RIT2: variants seen among roughly 807,000 people sequenced by gnomAD.
The protein encoded by RIT2 is Ras like without CAAX 2.
RIT2 carries 24 observed loss-of-function variants against 23.7 expected under a neutral mutation model. That is an observed-to-expected ratio of 1.01 (90% CI 0.73 to 1.43). The LOEUF is 1.43. Among genes scored for constraint, RIT2 ranks in the 40% most tolerant of loss-of-function variants. The pLI is 0.00. For synonymous variants in RIT2, 107 were observed against 91.1 expected (o/e 1.17, Z -0.99); for missense variants, 236 against 266.9 (o/e 0.88, Z 0.81).
At chr18:43,045,899 T>G (rs917047151) in intron 1 of RIT2, among the ~76,000 whole-genome samples, 4 of 152,198 alleles carry the variant, frequency 2.6e-5, no homozygotes. Flanking sequence ...CACTCTTTCA[T>G]GGCCTTATCT....
intron 3 of RIT2, among the ~76,000 whole-genome samples, chr18:42,969,229 A>C (rs1486529866): frequency 1.3e-5 from 2 of 152,096 alleles, no homozygotes; most frequent in Non-Finnish European, 2.9e-5. Context: ...ATTCTAGCCC[A>C]TTTTATTCCT....
At chr18:42,954,440 C>T (rs1319351758) in intron 3 of RIT2, among the ~76,000 whole-genome samples, 1 of 150,090 alleles carries the variant, frequency 6.7e-6, no homozygotes, top group Non-Finnish European at 1.5e-5. Context: ...CTGTTTTTTC[C>T]ATTAAAAGTA....
chr18:42,748,838 T>C (rs1912979442), intron 4 of RIT2, among the ~76,000 whole-genome samples: 1 of 151,804 alleles, frequency 6.6e-6, no homozygotes, highest in Admixed American at 6.6e-5. Flanking sequence ...TGCACCAAAA[T>C]CTCAGAAATC....
chr18:42,766,914 G>A (rs1186879006), intron 4 of RIT2, among the ~76,000 whole-genome samples: 1 of 152,204 alleles, frequency 6.6e-6, no homozygotes, highest in African/African-American at 2.4e-5. Context: ...GCTCCATGTG[G>A]TGTTGTACCT....
At chr18:42,808,173 C>T (rs1013278861) in intron 4 of RIT2, among the ~76,000 whole-genome samples, 2 of 152,164 alleles carry the variant, frequency 1.3e-5, no homozygotes, top group Non-Finnish European at 2.9e-5. Context: ...TCCATTCTCT[C>T]GCCTCAGAGT....
chr18:42,824,011 T>C (rs1906226347), intron 4 of RIT2, among the ~76,000 whole-genome samples: 1 of 152,158 alleles, frequency 6.6e-6, no homozygotes, highest in Admixed American at 6.6e-5. Flanking sequence ...AGACTTTTCG[T>C]TCATCTTCAG....
intron 4 of RIT2, among the ~76,000 whole-genome samples, chr18:42,757,230 A>C (rs1913184626): frequency 6.6e-6 from 1 of 152,230 alleles, no homozygotes; most frequent in Non-Finnish European, 1.5e-5. Context: ...ATTTTCATTA[A>C]CATATCTGTG....
At chr18:42,974,657 T>C (rs1011220542) in intron 2 of RIT2, among the ~76,000 whole-genome samples, 3 of 151,466 alleles carry the variant, frequency 2.0e-5, no homozygotes, top group African/African-American at 7.2e-5. Flanking sequence ...AACATGATCT[T>C]ATATGTAGAA....
intron 4 of RIT2, among the ~76,000 whole-genome samples, chr18:42,849,542 T>C (rs561448482): frequency 6.6e-6 from 1 of 152,290 alleles, no homozygotes; most frequent in African/African-American, 2.4e-5. Context: ...TGCAGTACAG[T>C]GCATGGCATA....
intron 4 of RIT2, among the ~76,000 whole-genome samples, chr18:42,844,993 T>C (rs1417079964): frequency 6.6e-6 from 1 of 152,168 alleles, no homozygotes; most frequent in African/African-American, 2.4e-5. Flanking sequence ...GTTTTATTAG[T>C]GGACATTGCT....
At chr18:42,902,203 C>T (rs551682905) in intron 4 of RIT2, among the ~76,000 whole-genome samples, 4 of 151,592 alleles carry the variant, frequency 2.6e-5, no homozygotes, top group South Asian at 2.1e-4. Context: ...AAAGGTATGA[C>T]GCAGATAAAC....
chr18:42,819,161 T>C (rs1440976871), intron 4 of RIT2, among the ~76,000 whole-genome samples: 1 of 152,094 alleles, frequency 6.6e-6, no homozygotes, highest in Non-Finnish European at 1.5e-5. Context: ...TTCTGCCTTA[T>C]ATAATAAGAT....
chr18:42,922,491 A>G (rs1007218761), intron 4 of RIT2, among the ~76,000 whole-genome samples: 2 of 152,182 alleles, frequency 1.3e-5, no homozygotes, highest in African/African-American at 4.8e-5. Context: ...TTAGAAAATT[A>G]GATTTACAAA....
chr18:42,901,540 T>C (rs1358256643), intron 4 of RIT2, among the ~76,000 whole-genome samples: 5 of 151,962 alleles, frequency 3.3e-5, no homozygotes, highest in African/African-American at 7.2e-5. Flanking sequence ...GGCTTAAAAA[T>C]CTCCCAATTA....
intron 3 of RIT2, among the ~76,000 whole-genome samples, chr18:42,956,522 G>A (rs1054572479): frequency 6.6e-6 from 1 of 152,106 alleles, no homozygotes; most frequent in Non-Finnish European, 1.5e-5. Context: ...GCTCCATTTC[G>A]TCGGTTTGAG....
At chr18:42,890,393 A>G (rs1908138983) in intron 4 of RIT2, among the ~76,000 whole-genome samples, 1 of 151,936 alleles carries the variant, frequency 6.6e-6, no homozygotes, top group Non-Finnish European at 1.5e-5. Context: ...AAAATTTTTA[A>G]TACTATCTAC....
At chr18:42,831,195 G>A (rs1906447482) in intron 4 of RIT2, among the ~76,000 whole-genome samples, 1 of 152,060 alleles carries the variant, frequency 6.6e-6, no homozygotes, top group South Asian at 2.1e-4. Flanking sequence ...TTTTCTTTGT[G>A]TATACTATGA....
intron 3 of RIT2, among the ~76,000 whole-genome samples, chr18:42,960,378 G>A (rs559399080): frequency 3.3e-5 from 5 of 152,190 alleles, no homozygotes; most frequent in East Asian, 1.9e-4. Flanking sequence ...GCAGTGGCAC[G>A]ATCTCAGCTC....
intron 4 of RIT2, among the ~76,000 whole-genome samples, chr18:42,918,390 C>T (rs2144127208): frequency 6.6e-6 from 1 of 152,098 alleles, no homozygotes; most frequent in African/African-American, 2.4e-5. Context: ...AATTAAATAA[C>T]ATATTACAAA....
Sources: allele counts gnomAD v4.1 joint callset (sites outside exome capture counted in the v4.1 genomes callset), GRCh38; gene constraint gnomAD v4.1.1; transcripts MANE v1.5; gene names NCBI Gene and HGNC (gene_info 2026-07-23, HGNC 2026-07-21).